Variants in TMTC2 observed in about 807,000 individuals in gnomAD.
The protein encoded by TMTC2 is transmembrane O-mannosyltransferase targeting cadherins 2.
Under a neutral mutation model 82.4 loss-of-function variants are expected in TMTC2, and 43 were observed. The observed-to-expected ratio is 0.52, with a 90% CI of 0.41 to 0.67. TMTC2 has a LOEUF of 0.67. TMTC2 is among the 30% of genes least tolerant of loss of function. TMTC2 has a pLI of 0.00. For missense variants in TMTC2, 919 were observed against 1,012.4 expected (o/e 0.91, Z 1.25); for synonymous variants, 408 against 381.9 (o/e 1.07, Z -0.80).
intron 3 of TMTC2, among the ~76,000 whole-genome samples, chr12:82,918,714 TTCTCTC>T (rs61006862): frequency 0.026 from 3,910 of 147,652 alleles, 186 homozygotes; most frequent in African/African-American, 0.091. Flanking sequence ...TTTTCTTTTC[TTCTCTC>T]TCTCTCTCTC....
Position 82,937,764 on chromosome 12 carries a change from A to ATGTG in TMTC2, c.1598+7220_1598+7221insGTGT, listed in dbSNP as rs1565818289. ...TGTGTGTGTGTGTATATATATATAT[A>ATGTG]TATATATATATATATATATATATAT... On this transcript the variant is annotated intron_variant, in intron 4 of 11. Transcript: ENST00000321196. 1.6e-3 allele frequency among the ~76,000 whole-genome samples: 30 copies of ATGTG among 18,682 alleles called. 1 individual carries two copies. The highest frequency in any genetic ancestry group is 5.8e-3 in the African/African-American group (30 of 5,174). 12.3% of individuals were successfully genotyped at this position (18,682 alleles called of 152,430 possible).
chr12:82,918,654 T>C (rs1048450017), intron 3 of TMTC2, among the ~76,000 whole-genome samples: 1 of 152,172 alleles, frequency 6.6e-6, no homozygotes, highest in African/African-American at 2.4e-5. Flanking sequence ...GAATGTTAAA[T>C]AGGTAAAAAT....
intron 9 of TMTC2, among the ~76,000 whole-genome samples, chr12:83,036,574 A>C (rs565789019): frequency 2.7e-5 from 4 of 149,406 alleles, no homozygotes; most frequent in Non-Finnish European, 4.4e-5. Flanking sequence ...CAGAATTTTT[A>C]AGTGACTTCC....
At chr12:82,958,856 A>G (rs1877760718) in intron 4 of TMTC2, among the ~76,000 whole-genome samples, 1 of 152,096 alleles carries the variant, frequency 6.6e-6, no homozygotes, top group Non-Finnish European at 1.5e-5. Flanking sequence ...GAAAGAAATA[A>G]AAGGCCTCCA....
At chr12:83,127,283 A>G (rs1245610349) in intron 11 of TMTC2, among the ~76,000 whole-genome samples, 1 of 152,192 alleles carries the variant, frequency 6.6e-6, no homozygotes, top group Admixed American at 6.5e-5. Context: ...TATGCAAGTC[A>G]GGATAATTTT....
chr12:82,784,142 T>C (rs1007072670), intron 1 of TMTC2, among the ~76,000 whole-genome samples: 1 of 152,092 alleles, frequency 6.6e-6, no homozygotes, highest in Non-Finnish European at 1.5e-5. Flanking sequence ...TTTAAAAATA[T>C]ACACAAATAA....
chr12:82,696,464 T>A (rs1014572692), intron 1 of TMTC2, among the ~76,000 whole-genome samples: 1 of 152,210 alleles, frequency 6.6e-6, no homozygotes, highest in Non-Finnish European at 1.5e-5. Flanking sequence ...TTAATAAAAA[T>A]CTTTTAAAGA....
chr12:82,751,387 TG>T, intron 1 of TMTC2, among the ~76,000 whole-genome samples: 1 of 114,652 alleles, frequency 8.7e-6, no homozygotes. Flanking sequence ...GGAACTGTTG[TG>T]GGGTGGAGGG....
chr12:82,693,968 CA>C (rs1005660355), intron 1 of TMTC2, among the ~76,000 whole-genome samples: 1,451 of 41,448 alleles, frequency 0.035, 2 homozygotes, highest in Middle Eastern at 0.059. Flanking sequence ...AACTCCATCT[CA>C]AAAAAAAAAA....
chr12:83,088,962 T>C (rs977938193), intron 11 of TMTC2, among the ~76,000 whole-genome samples: 2 of 152,068 alleles, frequency 1.3e-5, no homozygotes, highest in African/African-American at 4.8e-5. Context: ...CTCCAGAAAA[T>C]ACCTTTTTAG....
chr12:82,864,364 G>A (rs895007657), intron 2 of TMTC2, among the ~76,000 whole-genome samples: 1 of 151,984 alleles, frequency 6.6e-6, no homozygotes, highest in Non-Finnish European at 1.5e-5. Context: ...GGAGTCGGGG[G>A]TGAGGGGAGG....
chr12:83,092,205 T>TC (rs1001282771), intron 11 of TMTC2, among the ~76,000 whole-genome samples: 3 of 152,150 alleles, frequency 2.0e-5, no homozygotes, highest in Non-Finnish European at 4.4e-5. Context: ...TCCTGCCTTC[T>TC]CCCAAAAGGT....
At chr12:83,039,421 T>C (rs941510128) in intron 9 of TMTC2, among the ~76,000 whole-genome samples, 1 of 152,036 alleles carries the variant, frequency 6.6e-6, no homozygotes, top group Non-Finnish European at 1.5e-5. Context: ...TTATGAAATA[T>C]TCAAATATGA....
intron 1 of TMTC2, among the ~76,000 whole-genome samples, chr12:82,794,950 G>A (rs1423497028): frequency 1.3e-5 from 2 of 152,048 alleles, no homozygotes; most frequent in Admixed American, 6.6e-5. Flanking sequence ...AAAGGAGGCC[G>A]GGATTCTAAG....
chr12:82,863,427 T>A (rs1007289040), intron 2 of TMTC2, among the ~76,000 whole-genome samples: 1 of 152,186 alleles, frequency 6.6e-6, no homozygotes. Context: ...CCAGTAAACT[T>A]GTGGCATTTA....
chr12:82,982,802 C>T (rs1441716025), intron 7 of TMTC2, among the ~76,000 whole-genome samples: 2 of 151,950 alleles, frequency 1.3e-5, no homozygotes, highest in East Asian at 3.9e-4. Flanking sequence ...TTTCTATTAG[C>T]TAGTGAAGGC....
chr12:83,008,978 G>A (rs1273680360), intron 8 of TMTC2, among the ~76,000 whole-genome samples: 1 of 152,170 alleles, frequency 6.6e-6, no homozygotes, highest in African/African-American at 2.4e-5. Context: ...TGAAGTATGA[G>A]GGAGGAGGAA....
At chr12:83,126,333 T>G (rs1885096662) in intron 11 of TMTC2, among the ~76,000 whole-genome samples, 2 of 152,096 alleles carry the variant, frequency 1.3e-5, no homozygotes, top group African/African-American at 4.8e-5. Flanking sequence ...GAGAGAGATT[T>G]AGGGACTTCA....
At chr12:82,891,744 G>GT (rs1873406563) in intron 2 of TMTC2, among the ~76,000 whole-genome samples, 1 of 151,938 alleles carries the variant, frequency 6.6e-6, no homozygotes, top group African/African-American at 2.4e-5. Flanking sequence ...GGATATACAG[G>GT]TTTGTTACAT....
Sources: gnomAD v4.1 joint callset for allele counts (sites outside exome capture counted in the v4.1 genomes callset) on GRCh38, gnomAD v4.1.1 for gene constraint, MANE v1.5 for transcripts, NCBI Gene and HGNC (gene_info 2026-07-23, HGNC 2026-07-21) for gene names.